Variants in NOL4L observed in about 807,000 individuals in gnomAD.
NOL4L encodes the protein nucleolar protein 4 like.
A neutral mutation model predicts 64.5 loss-of-function variants in NOL4L; 7 were observed. The observed-to-expected ratio is 0.11, with a 90% CI of 0.06 to 0.20. The LOEUF (loss-of-function observed/expected upper bound fraction) is 0.20, where lower values mean the gene tolerates loss of function less well. NOL4L is among the 10% of genes least tolerant of loss of function. The pLI is 1.00. For synonymous variants in NOL4L, 413 were observed against 401.0 expected, an observed-to-expected ratio of 1.03 and a Z score of -0.36; for missense variants, 680 against 967.1, an observed-to-expected ratio of 0.70 and a Z score of 3.94.
chr20:32,516,514 G>A (rs577984480), intron 3 of NOL4L, among the ~76,000 whole-genome samples: 7 of 152,256 alleles, frequency 4.6e-5, no homozygotes, highest in South Asian at 2.1e-4. Context: ...AGGAAGCTTC[G>A]TAGAGAGAAT....
chr20:32,474,259 A>G (rs750020903), intron 5 of NOL4L, among the ~76,000 whole-genome samples: 52 of 152,344 alleles, frequency 3.4e-4, no homozygotes, highest in Admixed American at 9.2e-4. Flanking sequence ...GCTCTGGGTT[A>G]GGTACACTGT....
intron 4 of NOL4L, among the ~76,000 whole-genome samples, chr20:32,480,543 CCTT>C (rs1221230012): frequency 6.6e-6 from 1 of 152,168 alleles, no homozygotes; most frequent in Non-Finnish European, 1.5e-5. Context: ...GTGGGCCCCT[CCTT>C]CTGGACACCT....
At chr20:32,500,302 G>A (rs1427752547) in intron 4 of NOL4L, among the ~76,000 whole-genome samples, 4 of 150,806 alleles carry the variant, frequency 2.7e-5, no homozygotes, top group Admixed American at 1.3e-4. Context: ...CTTCTGCCTT[G>A]GCCTCCCAAA....
intron 1 of NOL4L, among the ~76,000 whole-genome samples, chr20:32,560,238 T>G (rs1420269373): frequency 6.6e-6 from 1 of 152,194 alleles, no homozygotes; most frequent in Non-Finnish European, 1.5e-5. Context: ...GAGTACTGAG[T>G]GTGGCCAGGG....
intron 3 of NOL4L, among the ~76,000 whole-genome samples, chr20:32,511,802 C>T (rs1440359474): frequency 2.0e-5 from 3 of 152,096 alleles, no homozygotes; most frequent in African/African-American, 7.2e-5. Flanking sequence ...CCCAGGAGTT[C>T]GAGACCAGCC....
At chr20:32,555,893 G>A (rs1488095521) in intron 1 of NOL4L, among the ~76,000 whole-genome samples, 2 of 152,046 alleles carry the variant, frequency 1.3e-5, no homozygotes, top group African/African-American at 4.8e-5. Flanking sequence ...GACTCATTAG[G>A]TGGCCTCCGA....
Position 32,447,596 on chromosome 20 carries a change from T to G in NOL4L, c.2043A>C (p.Ter681CysextTer32). The change falls in exon 11 of 11, where the codon TGA (stop) becomes TGC (cysteine). Residue 681 changes from the stop codon to cysteine (C), a stop_lost. Transcript: ENST00000621426. ...ELENLILQQN[*>C] is the part of the protein sequence containing the mutation. ...CAGTGCGCTCCAGGTGCCGGTGGGGTCAGTTCTGCTGTAGGATGAGGTTTT... is the reference window on the plus strand; with the variant it reads ...CAGTGCGCTCCAGGTGCCGGTGGGGGCAGTTCTGCTGTAGGATGAGGTTTT... 1 of 1,593,368 alleles carries G rather than the reference T, an allele frequency of 6.3e-7. No individual in the cohort carries two copies. The highest frequency in any genetic ancestry group is 8.5e-7 in the Non-Finnish European group (1 of 1,174,814).
rs1420569858 is a variant in NOL4L, at chr20:32,520,712, G to A, written c.589+99C>T. 4 of 686,054 alleles carry A rather than the reference G, an allele frequency of 5.8e-6. No homozygotes were observed. In the Admixed American group the frequency reaches 1.1e-4, roughly 19 times the overall value. The allele number at this position is 686,054 out of a possible 1,614,324, so 42.5% of individuals were successfully genotyped here. A position where few individuals can be genotyped will look rare whatever the true frequency, so the allele number is the denominator to read the frequency against. ...GCCTCTGGGACTAGCAACAACAGCT[G>A]CTGGACACTTTTCTGTGCCAGCAAA... On this transcript the variant is annotated intron_variant, in intron 3 of 10. Transcript: ENST00000621426.
chr20:32,465,277 G>C (rs375027745), intron 5 of NOL4L: 1 of 421,016 alleles, frequency 2.4e-6, no homozygotes, highest in Admixed American at 4.3e-5. Flanking sequence ...GGAAGTCACC[G>C]ACCCATCACC....
chr20:32,566,714 C>A (rs1979453035), intron 1 of NOL4L, among the ~76,000 whole-genome samples: 1 of 152,202 alleles, frequency 6.6e-6, no homozygotes, highest in Admixed American at 6.5e-5. Context: ...AGGCCTCTCA[C>A]TGAGGCCCTC....
intron 4 of NOL4L, among the ~76,000 whole-genome samples, chr20:32,487,511 G>A (rs1433821338): frequency 6.6e-6 from 1 of 152,056 alleles, no homozygotes; most frequent in African/African-American, 2.4e-5. Flanking sequence ...AGACCTGGGG[G>A]CACTGTCTTC....
chr20:32,517,155 ACT>A (rs1323481761), intron 3 of NOL4L, among the ~76,000 whole-genome samples: 1 of 151,696 alleles, frequency 6.6e-6, no homozygotes. Context: ...GGTCCCCCCC[ACT>A]CTGCTGGGGA....
chr20:32,547,385 C>T (rs1031832822), intron 1 of NOL4L, among the ~76,000 whole-genome samples: 6 of 152,130 alleles, frequency 3.9e-5, no homozygotes, highest in South Asian at 2.1e-4. Context: ...CAACCTTCCA[C>T]GCTCAAGGGA....
chr20:32,497,767 C>T (rs778981347), intron 4 of NOL4L, among the ~76,000 whole-genome samples: 4 of 152,188 alleles, frequency 2.6e-5, no homozygotes, highest in African/African-American at 4.8e-5. Flanking sequence ...AGAAACAGAC[C>T]GGAGTCAGCT....
At chr20:32,584,527 C>CCCCGCGGCGGGACCCG in intron 1 of NOL4L, 43 bp downstream of exon 1, 2 of 1,288,476 alleles carry the variant, frequency 1.6e-6, no homozygotes, top group Non-Finnish European at 2.0e-6. Flanking sequence ...CTGCCCCAAG[C>CCCCGCGGCGGGACCCG]CCCGCGGCGG....
rs564048934 is a variant in NOL4L, at chr20:32,456,250, C to T, written c.987G>A (p.Glu329=). ...VAPMDFTTAA[E]DQPINLCDKL... ...TGTCACACAGGTTGATGGGCTGATC[C>T]TCGGCGGCCGTGGTGAAGTCCATGG... The change falls in exon 6 of 11, where the codon GAG becomes GAA. Residue 329 remains glutamate, a synonymous_variant. Coordinates refer to ENST00000621426, the MANE Select transcript of NOL4L (RefSeq NM_001256798.2). 3.0e-5 allele frequency: 48 copies of T among 1,606,376 alleles called. No individual in the cohort carries two copies. In the South Asian group the frequency reaches 3.0e-4, roughly 10 times the overall value.
chr20:32,460,662 T>A lies in NOL4L; in HGVS notation c.842-4267A>T, dbSNP rs999762146. On this transcript the variant is annotated intron_variant, in intron 5 of 10. Transcript: ENST00000621426. The surrounding 1 kb of genome is among the most constrained non-coding windows in gnomAD (Gnocchi z 5.7). ...TCCCTGCACCCCACATTTTCTCACA[T>A]CATAACTCACCCACTGCCGACGCAC... is the stretch of plus-strand genomic sequence containing the variant. Among the ~76,000 whole-genome samples the A allele has an allele frequency of 1.3e-5, 2 of 152,118 alleles. No individual in the cohort carries two copies. The highest frequency in any genetic ancestry group is 2.9e-5 in the Non-Finnish European group (2 of 68,026).
chr20:32,505,276 A>G (rs1284584436), intron 4 of NOL4L, among the ~76,000 whole-genome samples: 1 of 152,232 alleles, frequency 6.6e-6, no homozygotes, highest in Non-Finnish European at 1.5e-5. Context: ...AGAAAGAGAA[A>G]AGATAATGAT....
At chr20:32,478,132 T>TGGGCCACCTCACCAC (rs2026311047) in intron 4 of NOL4L, among the ~76,000 whole-genome samples, 1 of 152,054 alleles carries the variant, frequency 6.6e-6, no homozygotes, top group Admixed American at 6.5e-5. Flanking sequence ...CACCGCACCA[T>TGGGCCACCTCACCAC]GGGCCACCTC....
Sources: allele counts gnomAD v4.1 joint callset (sites outside exome capture counted in the v4.1 genomes callset), GRCh38; gene constraint gnomAD v4.1.1; non-coding constraint Gnocchi (gnomAD v3.1); transcripts MANE v1.5; gene names NCBI Gene and HGNC (gene_info 2026-07-23, HGNC 2026-07-21).